Variants in SLC14A1 observed in about 807,000 individuals in gnomAD.
The protein encoded by SLC14A1 is solute carrier family 14 member 1 (Kidd blood group).
SLC14A1 carries 36 observed loss-of-function variants against 39.6 expected under a neutral mutation model. The ratio of observed to expected loss-of-function variants is 0.91; its 90% CI spans 0.70 to 1.20. The LOEUF (loss-of-function observed/expected upper bound fraction) is 1.20. Ranked by LOEUF, SLC14A1 falls within the 50% of genes most tolerant of loss-of-function variation. SLC14A1 has a pLI of 0.00. For synonymous variants in SLC14A1, 164 were observed against 173.6 expected (o/e 0.94, Z 0.43); for missense variants, 469 against 478.7 (o/e 0.98, Z 0.19).
chr18:45,734,740 T>TGAGGAGGAG (rs60802418), intron 5 of SLC14A1, among the ~76,000 whole-genome samples: 1 of 150,334 alleles, frequency 6.7e-6, no homozygotes, highest in African/African-American at 2.4e-5. Flanking sequence ...TTGGGCTAAG[T>TGAGGAGGAG]GAGGAGGAGG....
At chr18:45,746,893 A>G (rs2047559545) in intron 8 of SLC14A1, among the ~76,000 whole-genome samples, 1 of 152,254 alleles carries the variant, frequency 6.6e-6, no homozygotes, top group African/African-American at 2.4e-5. Context: ...TACAACAAAT[A>G]AAATGGCAGA....
intron 3 of SLC14A1, among the ~76,000 whole-genome samples, chr18:45,730,738 T>C (rs1235027249): frequency 6.6e-6 from 1 of 152,214 alleles, no homozygotes; most frequent in African/African-American, 2.4e-5. Flanking sequence ...TTCCTTTGGC[T>C]TCAGAATTTG....
intron 7 of SLC14A1, 53 bp downstream of exon 7, chr18:45,739,363 T>C: frequency 6.2e-7 from 1 of 1,613,006 alleles, no homozygotes; most frequent in Non-Finnish European, 8.5e-7. Context: ...TCCCATGCAT[T>C]GCCTCAGGCA....
rs1414711789 is a variant in SLC14A1, at chr18:45,734,399, C to T, written c.467C>T (p.Thr156Ile). 9 of 1,610,992 alleles carry T rather than the reference C, an allele frequency of 5.6e-6. No homozygotes were observed. The highest frequency in any genetic ancestry group is 5.9e-6 in the Non-Finnish European group (7 of 1,179,220). Reference sequence around the variant, plus strand: ...CTCCCTGTATGTGCTATGTCCATGACTTGGTAAGTTACAATTGGTTTTCAA... The same window carrying T: ...CTCCCTGTATGTGCTATGTCCATGATTTGGTAAGTTACAATTGGTTTTCAA... ...LLLPVCAMSMTCPIFSSALNS... is the reference protein window; with the variant it reads ...LLLPVCAMSMICPIFSSALNS... The change falls in exon 5 of 10, where the codon ACT (threonine) becomes ATT (isoleucine). Residue 156 changes from threonine to isoleucine, a missense_variant. Thr to Ile is a moderately conservative substitution (Grantham distance 89). Transcript: ENST00000321925.
At chr18:45,731,613 G>A (rs1411041387) in intron 4 of SLC14A1, 1 of 321,024 alleles carries the variant, frequency 3.1e-6, no homozygotes, top group South Asian at 2.8e-5. Context: ...GATGAGTTTA[G>A]GAAACTCATT....
At chr18:45,747,121 C>T (rs1072595) in intron 8 of SLC14A1, 25,455 of 152,098 alleles carry the variant, frequency 0.17, 3,114 homozygotes, top group East Asian at 0.42. Context: ...AGATAGCTGA[C>T]GTACCAGACA....
At chr18:45,748,224 C>A in intron 8 of SLC14A1, 152 bp from the exon 9 acceptor site, 1 of 804,852 alleles carries the variant, frequency 1.2e-6, no homozygotes, top group Non-Finnish European at 2.2e-6. Context: ...AGTGATGGAG[C>A]CAGGATTTGA....
chr18:45,727,252 T>G (rs1312135297), intron 2 of SLC14A1: 3 of 1,551,130 alleles, frequency 1.9e-6, no homozygotes, highest in East Asian at 2.4e-5. Context: ...CCCTTTGTCA[T>G]GTATTGAGAA....
chr18:45,749,640 C>T (rs1285233210), intron 9 of SLC14A1, 138 bp from the exon 10 acceptor site: 22 of 975,704 alleles, frequency 2.3e-5, no homozygotes, highest in African/African-American at 8.1e-5. Flanking sequence ...TCAGTCTCCA[C>T]GAGCATGCAC....
In SLC14A1 at chr18:45,730,378, A is replaced by G. The variant is rs1185505863; in HGVS notation, c.58A>G (p.Asn20Asp). The G allele has an allele frequency of 6.2e-7, 1 of 1,614,168 alleles. No homozygotes were observed. Among genetic ancestry groups the G allele is most frequent in the Non-Finnish European group, 8.5e-7 (1 of 1,180,010 alleles). ...CAGCCCCACTATGGTTAGGGGTGAA[A>G]ACCAGGTTTCGCCATGTCAAGGGAG... is the stretch of plus-strand genomic sequence containing the variant. ...VDSPTMVRGE[N>D]QVSPCQGRRC... is the part of the protein sequence containing the mutation. Residue 20 changes from asparagine (N) to aspartate (D), a missense_variant, in exon 3 of 10, where the codon AAC becomes GAC. Coordinates refer to ENST00000321925, the MANE Select transcript of SLC14A1 (RefSeq NM_015865.7).
At chr18:45,727,439 C>T (rs2046900650) in intron 2 of SLC14A1, 35 of 1,530,494 alleles carry the variant, frequency 2.3e-5, no homozygotes, top group Non-Finnish European at 2.9e-5. Context: ...TTCGTGCAGC[C>T]TCTGGCTCGG....
Position 45,739,690 on chromosome 18 carries a change from G to A in SLC14A1, c.946+28G>A, listed in dbSNP as rs765588905. The A allele has an allele frequency of 3.1e-6, 5 of 1,613,674 alleles. No homozygotes were observed. The South Asian group carries it at 3.3e-5, about 11-fold the overall frequency. Reference sequence around the variant, plus strand: ...GAGTCTCCCACGCCCCTGGGGGAGGGCTGCTCATGACTACAGGATCTCAAT... The same window carrying A: ...GAGTCTCCCACGCCCCTGGGGGAGGACTGCTCATGACTACAGGATCTCAAT... On this transcript the variant is annotated intron_variant, in intron 8 of 9. Transcript: ENST00000321925.
chr18:45,727,096 G>C (rs570676784), intron 2 of SLC14A1: 1 of 612,662 alleles, frequency 1.6e-6, no homozygotes, highest in Non-Finnish European at 2.9e-6. Context: ...TGAAGGCAAA[G>C]TCCTCCTTCT....
chr18:45,741,454 A>C (rs1231903908), intron 8 of SLC14A1, among the ~76,000 whole-genome samples: 1 of 152,228 alleles, frequency 6.6e-6, no homozygotes, highest in East Asian at 1.9e-4. Flanking sequence ...AACAGTTATG[A>C]AAACAGTGGG....
Position 45,749,780 on chromosome 18 carries a change from T to A in SLC14A1, c.999T>A (p.Val333=), listed in dbSNP as rs144180353. 6.2e-7 allele frequency: 1 copy of A among 1,614,098 alleles called. No homozygotes were observed. Among genetic ancestry groups the A allele is most frequent in the African/African-American group, 1.3e-5 (1 of 74,938 alleles). Residue 333 remains valine, a splice_region_variant and synonymous_variant, in exon 10 of 10, where the codon GTT becomes GTA. Coordinates refer to ENST00000321925, the MANE Select transcript of SLC14A1 (RefSeq NM_015865.7). The part of the protein sequence containing the change: ...GVGMANFMAE[V]GLPACTWPFC... ...TGTGGCTTTCTCTTCTTCCCCAGGTTGGATTGCCAGCTTGTACCTGGCCCT... is the reference window on the plus strand; with the variant it reads ...TGTGGCTTTCTCTTCTTCCCCAGGTAGGATTGCCAGCTTGTACCTGGCCCT...
intron 5 of SLC14A1, among the ~76,000 whole-genome samples, chr18:45,736,073 AG>A (rs1231075448): frequency 1.3e-5 from 2 of 152,348 alleles, no homozygotes; most frequent in East Asian, 3.9e-4. Flanking sequence ...AATCAGAATC[AG>A]GGTTGCCTCT....
Position 45,750,582 on chromosome 18 carries a change from C to A in SLC14A1, c.*631C>A. 1 of 986,452 alleles carries A rather than the reference C, an allele frequency of 1.0e-6. No homozygotes were observed. The highest frequency in any genetic ancestry group is 1.2e-6 in the Non-Finnish European group (1 of 830,740). The allele number at this position is 986,452 out of a possible 1,614,324, so 61.1% of individuals were successfully genotyped here. On this transcript the variant is annotated 3_prime_UTR_variant, in exon 10 of 10. Coordinates refer to ENST00000321925, the MANE Select transcript of SLC14A1 (RefSeq NM_015865.7). ...GGGGTTTTTCAGACTGACAGGACTGCAAGAGGGAGAAAGGAATTTTGTCAA... is the reference window on the plus strand; with the variant it reads ...GGGGTTTTTCAGACTGACAGGACTGAAAGAGGGAGAAAGGAATTTTGTCAA...
At chr18:45,735,670 C>T (rs1375604515) in intron 5 of SLC14A1, among the ~76,000 whole-genome samples, 2 of 152,216 alleles carry the variant, frequency 1.3e-5, no homozygotes, top group African/African-American at 4.8e-5. Flanking sequence ...CGAGGACCTA[C>T]CTGTAGAGCT....
intron 8 of SLC14A1, among the ~76,000 whole-genome samples, chr18:45,745,476 G>C (rs540899984): frequency 1.3e-5 from 2 of 152,198 alleles, no homozygotes; most frequent in Non-Finnish European, 2.9e-5. Context: ...CATTGCTCAA[G>C]GCTGTGGAGA....
Sources: allele counts gnomAD v4.1 joint callset (sites outside exome capture counted in the v4.1 genomes callset), GRCh38; gene constraint gnomAD v4.1.1; transcripts MANE v1.5; gene names NCBI Gene and HGNC (gene_info 2026-07-23, HGNC 2026-07-21).